PDE4B: variants seen among roughly 807,000 people sequenced by gnomAD.
The protein encoded by PDE4B is phosphodiesterase 4B.
In PDE4B, 20 loss-of-function variants were observed where a neutral mutation model predicts 82.2. The observed-to-expected ratio is 0.24, with a 90% confidence interval of 0.17 to 0.35. PDE4B has a LOEUF of 0.35. Ranked by LOEUF, PDE4B falls within the 10% of genes least tolerant of loss-of-function variation. The pLI, the probability that PDE4B is intolerant of heterozygous loss-of-function variation, is 1.00. For synonymous variants in PDE4B, 320 were observed against 318.9 expected, an observed-to-expected ratio of 1.00 and a Z score of -0.04; for missense variants, 655 against 907.2, an observed-to-expected ratio of 0.72 and a Z score of 3.57.
intron 2 of PDE4B, among the ~76,000 whole-genome samples, chr1:65,918,333 C>A: frequency 6.6e-6 from 1 of 152,166 alleles, no homozygotes; most frequent in Non-Finnish European, 1.5e-5. Context: ...GGCCTCCAAT[C>A]CACATGCTAC....
chr1:65,992,456 G>T (rs1651297551), intron 3 of PDE4B: 1 of 154,318 alleles, frequency 6.5e-6, no homozygotes, highest in South Asian at 2.0e-4. Flanking sequence ...TGCTCTTTGT[G>T]CAAACAAAAC....
intron 3 of PDE4B, among the ~76,000 whole-genome samples, chr1:66,208,875 T>C (rs1461334303): frequency 6.6e-6 from 1 of 152,214 alleles, no homozygotes; most frequent in Non-Finnish European, 1.5e-5. Context: ...AGGTGATTAT[T>C]GTATACACTC....
intron 7 of PDE4B, among the ~76,000 whole-genome samples, chr1:66,312,358 C>T (rs1658733168): frequency 7.0e-6 from 1 of 142,616 alleles, no homozygotes; most frequent in South Asian, 2.1e-4. Flanking sequence ...TTTCTAGAGA[C>T]TCTAAGGGAA....
At chr1:66,012,985 T>C (rs988253065) in intron 3 of PDE4B, among the ~76,000 whole-genome samples, 38 of 152,096 alleles carry the variant, frequency 2.5e-4, no homozygotes, top group Middle Eastern at 3.2e-3. Flanking sequence ...AACTGAGGCA[T>C]AAGGCAAAAA....
chr1:66,302,574 G>A (rs1162949428), intron 7 of PDE4B, among the ~76,000 whole-genome samples: 2 of 152,128 alleles, frequency 1.3e-5, no homozygotes, highest in African/African-American at 4.8e-5. Flanking sequence ...CCCACATGTA[G>A]TCTCATTGAA....
At chr1:66,129,283 A>G (rs1417099471) in intron 3 of PDE4B, among the ~76,000 whole-genome samples, 1 of 152,228 alleles carries the variant, frequency 6.6e-6, no homozygotes, top group Non-Finnish European at 1.5e-5. Context: ...GTGAAATTAC[A>G]GTGGGTGGGG....
intron 1 of PDE4B, among the ~76,000 whole-genome samples, chr1:65,857,747 G>T (rs534714092): frequency 1.3e-5 from 2 of 152,290 alleles, no homozygotes; most frequent in African/African-American, 4.8e-5. Context: ...TTGGGCATAC[G>T]GTCTAACTCC....
intron 1 of PDE4B, among the ~76,000 whole-genome samples, chr1:65,841,261 T>G (rs1646203517): frequency 6.6e-6 from 1 of 151,502 alleles, no homozygotes. Context: ...TTGTCACCAC[T>G]TCATTCACTC....
intron 3 of PDE4B, among the ~76,000 whole-genome samples, chr1:66,154,159 C>T (rs1030471422): frequency 5.9e-5 from 9 of 152,284 alleles, no homozygotes; most frequent in East Asian, 5.8e-4. Flanking sequence ...AATAGCACCT[C>T]GTGCCTGTTA....
chr1:66,336,252 A>C (rs1173101417), intron 8 of PDE4B, among the ~76,000 whole-genome samples: 2 of 152,196 alleles, frequency 1.3e-5, no homozygotes, highest in Admixed American at 1.3e-4. Context: ...CGCAGTCAGT[A>C]AAGTACAGGG....
intron 3 of PDE4B, among the ~76,000 whole-genome samples, chr1:66,228,833 T>A (rs991417044): frequency 1.3e-5 from 2 of 152,114 alleles, no homozygotes; most frequent in Non-Finnish European, 2.9e-5. Context: ...AGTTCCCTAT[T>A]TCAGGCAGAA....
At chr1:66,303,444 T>C (rs1196092250) in intron 7 of PDE4B, among the ~76,000 whole-genome samples, 1 of 151,858 alleles carries the variant, frequency 6.6e-6, no homozygotes, top group Non-Finnish European at 1.5e-5. Context: ...TTGTTTATGG[T>C]AAGAACATTT....
chr1:65,875,819 G>A, intron 1 of PDE4B, among the ~76,000 whole-genome samples: 1 of 107,486 alleles, frequency 9.3e-6, no homozygotes, highest in Non-Finnish European at 1.8e-5. Flanking sequence ...GGGGAGGGGG[G>A]AGGGATAGCA....
intron 3 of PDE4B, among the ~76,000 whole-genome samples, chr1:66,156,802 C>G (rs1472990577): frequency 6.6e-6 from 1 of 152,190 alleles, no homozygotes; most frequent in Non-Finnish European, 1.5e-5. Flanking sequence ...CCTGGAAACA[C>G]TCTTCTTCAC....
chr1:66,067,626 C>G (rs1248020462), intron 3 of PDE4B, among the ~76,000 whole-genome samples: 1 of 152,016 alleles, frequency 6.6e-6, no homozygotes, highest in Non-Finnish European at 1.5e-5. Context: ...AATTTTCTCC[C>G]ATTCTGTAGG....
At chr1:65,975,378 G>T (rs897189381) in intron 3 of PDE4B, among the ~76,000 whole-genome samples, 1 of 152,218 alleles carries the variant, frequency 6.6e-6, no homozygotes, top group African/African-American at 2.4e-5. Context: ...TGGGCAAAGA[G>T]ATTATCTGAA....
At chr1:66,132,753 C>G (rs943862273) in intron 3 of PDE4B, among the ~76,000 whole-genome samples, 2 of 152,136 alleles carry the variant, frequency 1.3e-5, no homozygotes, top group Non-Finnish European at 2.9e-5. Context: ...GTCTCCAGAT[C>G]ACACAGAGCA....
intron 1 of PDE4B, among the ~76,000 whole-genome samples, chr1:65,901,383 T>A (rs1450830674): frequency 6.6e-6 from 1 of 152,122 alleles, no homozygotes; most frequent in African/African-American, 2.4e-5. Context: ...TTTGCATATA[T>A]GTTAATTAGG....
chr1:65,887,246 CT>C (rs376942239), intron 1 of PDE4B, among the ~76,000 whole-genome samples: 4,131 of 21,344 alleles, frequency 0.19, 178 homozygotes, highest in South Asian at 0.35. Context: ...TTCTTTCTTT[CT>C]TTTCTTTCTT....
Sources: gnomAD v4.1 joint callset for allele counts (sites outside exome capture counted in the v4.1 genomes callset) on GRCh38, gnomAD v4.1.1 for gene constraint, MANE v1.5 for transcripts, NCBI Gene and HGNC (gene_info 2026-07-23, HGNC 2026-07-21) for gene names.